The following RERE variants were observed in gnomAD, a reference collection of about 807,000 sequenced individuals.
RERE encodes arginine-glutamic acid dipeptide repeats protein.
Under a neutral mutation model 146.1 loss-of-function variants are expected in RERE, and 40 were observed. That is an observed-to-expected ratio of 0.27 (90% confidence interval 0.21 to 0.36). The LOEUF is 0.36. Among genes scored for constraint, RERE ranks in the 10% least tolerant of loss-of-function variants. RERE has a pLI of 1.00. For synonymous variants in RERE, 1,003 were observed against 866.0 expected (o/e 1.16, Z -2.78); for missense variants, 1,933 against 2,138.7 (o/e 0.90, Z 1.90).
intron 1 of RERE, among the ~76,000 whole-genome samples, chr1:8,735,805 G>T (rs144521530): frequency 1.2e-4 from 19 of 152,218 alleles, no homozygotes; most frequent in Non-Finnish European, 2.4e-4. Flanking sequence ...GCCTGCTCCA[G>T]CTCTGCCTTC....
chr1:8,793,943 G>A (rs1641415770), intron 1 of RERE, among the ~76,000 whole-genome samples: 2 of 152,076 alleles, frequency 1.3e-5, no homozygotes, highest in South Asian at 2.1e-4. Flanking sequence ...GCTCATGCCT[G>A]TAGTCCCACC....
chr1:8,727,073 T>A (rs1569644825), intron 1 of RERE, among the ~76,000 whole-genome samples: 1 of 152,272 alleles, frequency 6.6e-6, no homozygotes, highest in East Asian at 1.9e-4. Context: ...CCCAAAGTGC[T>A]GGGATTACAG....
chr1:8,387,344 C>T (rs2708630), intron 12 of RERE, among the ~76,000 whole-genome samples: 108,911 of 152,054 alleles, frequency 0.72, 39,371 homozygotes, highest in East Asian at 0.91. Flanking sequence ...AACTTAAATA[C>T]GAAAAGCAAA....
At chr1:8,437,871 C>G (rs1258255455) in intron 11 of RERE, among the ~76,000 whole-genome samples, 1 of 151,714 alleles carries the variant, frequency 6.6e-6, no homozygotes, top group African/African-American at 2.4e-5. Context: ...TCTGCTCCCC[C>G]CACCCCCATG....
intron 1 of RERE, among the ~76,000 whole-genome samples, chr1:8,709,330 C>T (rs781323705): frequency 3.3e-5 from 5 of 151,230 alleles, no homozygotes; most frequent in African/African-American, 4.9e-5. Context: ...ATGTTGCCCA[C>T]GTTGGTCATG....
At chr1:8,617,383 T>TAAAAAAAAAAA (rs1288225224) in intron 3 of RERE, among the ~76,000 whole-genome samples, 1 of 140,604 alleles carries the variant, frequency 7.1e-6, no homozygotes, top group African/African-American at 2.8e-5. Context: ...TCTTAACTCT[T>TAAAAAAAAAAA]AAAGAATTAA....
intron 1 of RERE, among the ~76,000 whole-genome samples, chr1:8,687,496 A>G (rs926087291): frequency 1.3e-5 from 2 of 152,252 alleles, no homozygotes; most frequent in Admixed American, 6.5e-5. Context: ...TTATTAACCA[A>G]TTGGGAATTA....
At chr1:8,708,300 TTTTTTGTTTTTG>T (rs886146803) in intron 1 of RERE, among the ~76,000 whole-genome samples, 6 of 152,082 alleles carry the variant, frequency 3.9e-5, no homozygotes, top group African/African-American at 9.7e-5. Context: ...TGATGGTTGC[TTTTTTGTTTTTG>T]TTTTTGTTTT....
chr1:8,436,089 G>A (rs571949001), intron 11 of RERE, among the ~76,000 whole-genome samples: 1 of 152,200 alleles, frequency 6.6e-6, no homozygotes, highest in Non-Finnish European at 1.5e-5. Flanking sequence ...GGGAGGCTGA[G>A]GCAGGCAGAT....
chr1:8,556,376 T>G (rs921135889), intron 6 of RERE, 99 bp downstream of exon 6: 2 of 755,846 alleles, frequency 2.6e-6, no homozygotes, highest in African/African-American at 3.4e-5. Flanking sequence ...AGGAGTCTGA[T>G]TAATACAGTG....
intron 2 of RERE, among the ~76,000 whole-genome samples, chr1:8,654,956 T>C (rs1444460610): frequency 1.3e-5 from 2 of 152,060 alleles, no homozygotes; most frequent in East Asian, 1.9e-4. Context: ...ACACAATACA[T>C]CAAATGAAAA....
chr1:8,647,641 A>ATG (rs1553127411), intron 2 of RERE, among the ~76,000 whole-genome samples: 3,425 of 148,588 alleles, frequency 0.023, 73 homozygotes, highest in African/African-American at 0.05. Flanking sequence ...TAAAATATGT[A>ATG]TGTGTGTGTG....
intron 1 of RERE, among the ~76,000 whole-genome samples, chr1:8,807,252 T>C (rs745415805): frequency 2.2e-4 from 33 of 152,026 alleles, no homozygotes; most frequent in Non-Finnish European, 4.3e-4. Context: ...GGGGGTCTTG[T>C]TACGTTGCCC....
intron 12 of RERE, among the ~76,000 whole-genome samples, chr1:8,375,760 A>T (rs1346621677): frequency 1.3e-5 from 2 of 149,060 alleles, no homozygotes; most frequent in Non-Finnish European, 3.0e-5. Flanking sequence ...CAGCCACTGA[A>T]AATGTTTCCT....
At chr1:8,774,199 C>T (rs1431032963) in intron 1 of RERE, among the ~76,000 whole-genome samples, 1 of 152,142 alleles carries the variant, frequency 6.6e-6, no homozygotes, top group African/African-American at 2.4e-5. Flanking sequence ...ATTCGAGATG[C>T]ATTTGTTCTC....
At chr1:8,463,839 C>T (rs1380219436) in intron 11 of RERE, among the ~76,000 whole-genome samples, 1 of 152,238 alleles carries the variant, frequency 6.6e-6, no homozygotes, top group Non-Finnish European at 1.5e-5. Flanking sequence ...GGATTGCAAG[C>T]TGACAAGGCC....
In RERE at chr1:8,353,413, T is replaced by C. The variant is rs1430834302; in HGVS notation, c.*1674A>G. ...CCTGCTCCCTCTGCGGCCTGGGTCC[T>C]GGATGGACTTTGTGTCCGCCGACCC... On this transcript the variant is annotated 3_prime_UTR_variant, in exon 23 of 23. Transcript: ENST00000400908. 6.6e-6 allele frequency: 1 copy of C among 152,260 alleles called. No homozygotes were observed. Among genetic ancestry groups the C allele is most frequent in the African/African-American group, 2.4e-5 (1 of 41,458 alleles). 9.4% of individuals were successfully genotyped at this position (152,260 alleles called of 1,614,324 possible). A position where few individuals can be genotyped will look rare whatever the true frequency, so the allele number is the denominator to read the frequency against.
At chr1:8,367,711 T>C (rs969444547) in intron 12 of RERE, among the ~76,000 whole-genome samples, 13 of 152,196 alleles carry the variant, frequency 8.5e-5, no homozygotes, top group African/African-American at 3.1e-4. Flanking sequence ...CATTGGAATT[T>C]CTGACTGGCT....
At chr1:8,457,530 G>A (rs2124095153) in intron 11 of RERE, among the ~76,000 whole-genome samples, 1 of 152,328 alleles carries the variant, frequency 6.6e-6, no homozygotes, top group Non-Finnish European at 1.5e-5. Flanking sequence ...CTCTAGTGAA[G>A]ATGGCAATTA....
Sources: allele counts gnomAD v4.1 joint callset (sites outside exome capture counted in the v4.1 genomes callset), GRCh38; gene constraint gnomAD v4.1.1; transcripts MANE v1.5; gene names NCBI Gene and HGNC (gene_info 2026-07-23, HGNC 2026-07-21).